The following ITGA9 variants were observed in gnomAD, a reference collection of about 807,000 sequenced individuals.
ITGA9 encodes integrin subunit alpha 9.
ITGA9 carries 56 observed loss-of-function variants against 127.8 expected under a neutral mutation model. The ratio of observed to expected loss-of-function variants is 0.44; its 90% confidence interval spans 0.35 to 0.55. ITGA9 has a LOEUF of 0.55. Among genes scored for constraint, ITGA9 ranks in the 20% least tolerant of loss-of-function variants. The probability of loss-of-function intolerance (pLI) is 0.00; values close to 1 mark genes in which losing one functional copy is unlikely to be tolerated. For missense variants in ITGA9, 1,196 were observed against 1,347.1 expected, an observed-to-expected ratio of 0.89 and a Z score of 1.76; for synonymous variants, 508 against 514.5, an observed-to-expected ratio of 0.99 and a Z score of 0.17.
In ITGA9 at chr3:37,743,917, C is replaced by T; in HGVS notation, c.2325-9C>T. 2 of 1,598,668 alleles carry T rather than the reference C, an allele frequency of 1.3e-6. No homozygotes were observed. Among genetic ancestry groups the T allele is most frequent in the Admixed American group, 1.7e-5 (1 of 60,018 alleles). ...TGGGGATGACAGATTTCATGCTTTCCTCTTTCAGAATCATGTCTCCAACCT... is the reference window on the plus strand; with the variant it reads ...TGGGGATGACAGATTTCATGCTTTCTTCTTTCAGAATCATGTCTCCAACCT... On this transcript the variant is annotated splice_polypyrimidine_tract_variant and intron_variant, in intron 21 of 27. Transcript: ENST00000264741.
chr3:37,705,562 G>A (rs1372265892), intron 18 of ITGA9, among the ~76,000 whole-genome samples: 1 of 152,192 alleles, frequency 6.6e-6, no homozygotes, highest in African/African-American at 2.4e-5. Context: ...AGCTTCGTGT[G>A]GGAGAGCTCT....
chr3:37,807,818 G>T (rs1697316446), intron 27 of ITGA9: 1 of 152,396 alleles, frequency 6.6e-6, no homozygotes, highest in African/African-American at 2.4e-5. Context: ...GACAGGCAGG[G>T]TTTGCTGACC....
rs772230507 is a variant in ITGA9 at position 37,513,796 on chromosome 3, G to C, written c.931G>C (p.Val311Leu). 1.2e-6 allele frequency: 2 copies of C among 1,614,102 alleles called. No homozygotes were observed. Among genetic ancestry groups the C allele is most frequent in the South Asian group, 2.2e-5 (2 of 91,082 alleles). The stretch of plus-strand genomic sequence containing the variant: ...TTACTTCGGCTCCTCCTTGTGCGCA[G>C]TTGACCTGAATGGGGACGGCCTCTC... ...GSYFGSSLCAVDLNGDGLSDL... is the reference protein window; with the variant it reads ...GSYFGSSLCALDLNGDGLSDL... The change falls in exon 9 of 28, where the codon GTT becomes CTT. Residue 311 changes from valine (V) to leucine (L), a missense_variant. Val to Leu is a conservative substitution (Grantham distance 32, BLOSUM62 1). Coordinates refer to ENST00000264741, the MANE Select transcript of ITGA9 (RefSeq NM_002207.3).
intron 18 of ITGA9, among the ~76,000 whole-genome samples, chr3:37,721,270 C>T (rs1279222766): frequency 6.6e-6 from 1 of 151,972 alleles, no homozygotes; most frequent in Admixed American, 6.6e-5. Context: ...AGGTGTGTGC[C>T]ACCACCTCTG....
chr3:37,534,262 G>A (rs1048094339), intron 14 of ITGA9, among the ~76,000 whole-genome samples: 1 of 151,382 alleles, frequency 6.6e-6, no homozygotes, highest in African/African-American at 2.4e-5. Flanking sequence ...CACTAACAGG[G>A]ACCTGAACCT....
intron 23 of ITGA9, among the ~76,000 whole-genome samples, chr3:37,756,269 A>T (rs1341918248): frequency 6.6e-6 from 1 of 152,214 alleles, no homozygotes; most frequent in Non-Finnish European, 1.5e-5. Context: ...AGCAAAAGAA[A>T]ATATATTTCA....
rs1559523281 is a variant in ITGA9 at position 37,508,559 on chromosome 3, G to A, written c.829G>A (p.Val277Ile). 1.2e-6 allele frequency: 2 copies of A among 1,610,576 alleles called. No individual in the cohort carries two copies. Among genetic ancestry groups the A allele is most frequent in the Non-Finnish European group, 1.7e-6 (2 of 1,177,840 alleles). ...GAPQDKGIGKVYIFRADRRSG... is the reference protein window; with the variant it reads ...GAPQDKGIGKIYIFRADRRSG... ...AGATTTTTTTTTTTTCATTCCATAG[G>A]TTTATATTTTCAGAGCTGACCGAAG... Residue 277 changes from valine (V) to isoleucine (I), a missense_variant and splice_region_variant, in exon 8 of 28, where the codon GTT becomes ATT. Physicochemically the swap from Val to Ile is conservative, Grantham distance 29. Transcript: ENST00000264741.
In ITGA9 at chr3:37,452,314, G is replaced by C. The variant is rs1698200016; in HGVS notation, c.-61G>C. ...AGCTTCCTGGCCGTCGGCGGGCCCC[G>C]CGGCCCGCGCGCTCGGCGCCCTGCT... On this transcript the variant is annotated 5_prime_UTR_variant, in exon 1 of 28. Coordinates refer to ENST00000264741, the MANE Select transcript of ITGA9 (RefSeq NM_002207.3). The surrounding 1 kb of genome is among the most constrained non-coding windows in gnomAD (Gnocchi z 7.3). The C allele has an allele frequency of 6.3e-6, 6 of 955,384 alleles. No homozygotes were observed. The highest frequency in any genetic ancestry group is 5.9e-5 in the Admixed American group (1 of 16,954). 59.2% of individuals were successfully genotyped at this position (955,384 alleles called of 1,614,324 possible).
intron 1 of ITGA9, among the ~76,000 whole-genome samples, chr3:37,456,460 C>G (rs576567456): frequency 5.6e-4 from 86 of 152,266 alleles, no homozygotes; most frequent in African/African-American, 2.0e-3. Context: ...ACTGTAACAC[C>G]CTGTGATATA....
intron 15 of ITGA9, among the ~76,000 whole-genome samples, chr3:37,575,886 A>G (rs550056341): frequency 1.3e-5 from 2 of 152,208 alleles, no homozygotes; most frequent in African/African-American, 2.4e-5. Flanking sequence ...TTTTCTGATA[A>G]TAGGTCAAGG....
At chr3:37,699,533 C>T (rs1700923788) in intron 18 of ITGA9, among the ~76,000 whole-genome samples, 1 of 152,208 alleles carries the variant, frequency 6.6e-6, no homozygotes. Context: ...AAGTCACCAT[C>T]GTCTTTTGCC....
chr3:37,601,271 C>G (rs1425695302), intron 15 of ITGA9, among the ~76,000 whole-genome samples: 1 of 152,220 alleles, frequency 6.6e-6, no homozygotes, highest in Non-Finnish European at 1.5e-5. Context: ...CTGAACAGAA[C>G]AGCTCTTAAA....
At chr3:37,659,901 G>A (rs909455123) in intron 17 of ITGA9, among the ~76,000 whole-genome samples, 10 of 151,744 alleles carry the variant, frequency 6.6e-5, no homozygotes, top group African/African-American at 2.4e-4. Context: ...ACTTATGATG[G>A]CACATGATCT....
At chr3:37,568,373 C>A (rs1699568826) in intron 15 of ITGA9, among the ~76,000 whole-genome samples, 1 of 152,224 alleles carries the variant, frequency 6.6e-6, no homozygotes, top group Admixed American at 6.5e-5. Context: ...GAGGGGCTGC[C>A]ATGAAGACTT....
At chr3:37,522,885 T>G (rs367919437) in intron 11 of ITGA9, among the ~76,000 whole-genome samples, 2 of 152,182 alleles carry the variant, frequency 1.3e-5, no homozygotes, top group African/African-American at 4.8e-5. Flanking sequence ...GCTTTTGATT[T>G]CCTACAGTTT....
In ITGA9 at chr3:37,481,407, TC is replaced by T. The variant is rs768671479; in HGVS notation, c.421-76del. 974 of 1,579,348 alleles carry T rather than the reference TC, an allele frequency of 6.2e-4. 1 individual carries two copies. The highest frequency in any genetic ancestry group is 8.0e-4 in the Non-Finnish European group (916 of 1,148,922). ...CTCTCTTCTCCCACAGAAAGAAACATCTGGCACTGACAGGAGTCTGCTTTGT... is the reference window on the plus strand; with the variant it reads ...CTCTCTTCTCCCACAGAAAGAAACATTGGCACTGACAGGAGTCTGCTTTGT... On this transcript the variant is annotated intron_variant, in intron 3 of 27. Coordinates refer to ENST00000264741, the MANE Select transcript of ITGA9 (RefSeq NM_002207.3).
intron 22 of ITGA9, chr3:37,748,446 T>G: frequency 3.4e-6 from 2 of 589,252 alleles, no homozygotes; most frequent in Non-Finnish European, 6.4e-6. Context: ...TGAAGGAAAA[T>G]GATCAGAAAA....
chr3:37,572,831 T>A lies in ITGA9; in HGVS notation c.1689+30246T>A, dbSNP rs1021652910. Among the ~76,000 whole-genome samples, 3 of 152,266 alleles carry A rather than the reference T, an allele frequency of 2.0e-5. No homozygotes were observed. In the South Asian group the frequency reaches 6.2e-4, roughly 32 times the overall value. ...ATTCTTTAAGCCTCGTTTAATTTTTTACCTGTTACTGCTTTCATCATCACC... is the reference window on the plus strand; with the variant it reads ...ATTCTTTAAGCCTCGTTTAATTTTTAACCTGTTACTGCTTTCATCATCACC... On this transcript the variant is annotated intron_variant, in intron 15 of 27. Transcript: ENST00000264741.
At position 37,562,112 on chromosome 3, in the gene ITGA9, G is replaced by A. The variant is rs569533327; in HGVS notation, c.1689+19527G>A. Among the ~76,000 whole-genome samples the A allele has an allele frequency of 4.6e-5, 7 of 152,294 alleles. No individual in the cohort carries two copies. In the South Asian group the frequency reaches 8.3e-4, roughly 18 times the overall value. ...AGCCACGAATGGGGCACTCGGGGCC[G>A]TGACAGGCATCCCTTAGCTCTGGCC... On this transcript the variant is annotated intron_variant, in intron 15 of 27. Transcript: ENST00000264741.
Sources: allele counts gnomAD v4.1 joint callset (sites outside exome capture counted in the v4.1 genomes callset), GRCh38; gene constraint gnomAD v4.1.1; non-coding constraint Gnocchi (gnomAD v3.1); transcripts MANE v1.5; gene names NCBI Gene and HGNC (gene_info 2026-07-23, HGNC 2026-07-21).